Variants in EPHA5 observed in about 807,000 individuals in gnomAD.
EPHA5 encodes ephrin type-A receptor 5.
A neutral mutation model predicts 105.0 loss-of-function variants in EPHA5; 60 were observed. That is an observed-to-expected ratio of 0.57 (90% CI 0.46 to 0.71). The LOEUF (loss-of-function observed/expected upper bound fraction) is 0.71. Ranked by LOEUF, EPHA5 falls within the 30% of genes least tolerant of loss-of-function variation. The pLI is 0.00. For missense variants in EPHA5, 1,218 were observed against 1,274.7 expected (o/e 0.96, Z 0.68); for synonymous variants, 513 against 449.1 (o/e 1.14, Z -1.80).
chr4:65,433,792 G>C (rs1386459661), intron 5 of EPHA5, among the ~76,000 whole-genome samples: 1 of 152,092 alleles, frequency 6.6e-6, no homozygotes. Flanking sequence ...TTGGCTGGGC[G>C]CAGTGGCTCA....
intron 16 of EPHA5, among the ~76,000 whole-genome samples, chr4:65,327,930 A>C (rs1341118680): frequency 6.6e-6 from 1 of 151,184 alleles, no homozygotes; most frequent in African/African-American, 2.4e-5. Flanking sequence ...TAATTACATA[A>C]ATTTGATGAA....
At chr4:65,348,979 C>T (rs551462385) in intron 13 of EPHA5, among the ~76,000 whole-genome samples, 1 of 150,752 alleles carries the variant, frequency 6.6e-6, no homozygotes, top group Non-Finnish European at 1.5e-5. Context: ...TCATGCCTGG[C>T]TAATTTTTGT....
chr4:65,353,193 A>T (rs938031239), intron 11 of EPHA5, 90 bp from the exon 12 acceptor site: 26 of 328,272 alleles, frequency 7.9e-5, no homozygotes, highest in African/African-American at 5.8e-4. Context: ...TATTAGTGTC[A>T]AAATTGTATA....
chr4:65,327,170 A>G (rs1476388640), intron 16 of EPHA5, among the ~76,000 whole-genome samples: 1 of 151,258 alleles, frequency 6.6e-6, no homozygotes, highest in Non-Finnish European at 1.5e-5. Context: ...GAATTGTGAG[A>G]AATTTTATTT....
chr4:65,627,673 C>T (rs185811924), intron 2 of EPHA5, among the ~76,000 whole-genome samples: 191 of 152,142 alleles, frequency 1.3e-3, no homozygotes, highest in African/African-American at 4.5e-3. Context: ...CCATATTATG[C>T]CTTGTTACTC....
At chr4:65,338,304 A>G (rs968795502) in intron 14 of EPHA5, among the ~76,000 whole-genome samples, 4 of 152,148 alleles carry the variant, frequency 2.6e-5, no homozygotes. Flanking sequence ...CTTTAACAGC[A>G]TATAGGTATC....
At chr4:65,340,998 C>T (rs1252834692) in intron 14 of EPHA5, among the ~76,000 whole-genome samples, 2 of 152,130 alleles carry the variant, frequency 1.3e-5, no homozygotes, top group Non-Finnish European at 2.9e-5. Flanking sequence ...TTCCTTCCAT[C>T]TCTACTGTAC....
intron 14 of EPHA5, among the ~76,000 whole-genome samples, chr4:65,347,820 ACTGT>A (rs1722365634): frequency 6.6e-6 from 1 of 152,152 alleles, no homozygotes; most frequent in African/African-American, 2.4e-5. Flanking sequence ...TACAGCTAAA[ACTGT>A]CTGGCAAGGG....
At chr4:65,621,452 TAATAATTTTTATG>T (rs1428355915) in intron 2 of EPHA5, among the ~76,000 whole-genome samples, 16 of 152,292 alleles carry the variant, frequency 1.1e-4, no homozygotes, top group African/African-American at 3.8e-4. Context: ...AGTAAGTACA[TAATAATTTTTATG>T]AATTAATATT....
rs58539913 is a variant in EPHA5, at chr4:65,657,898, CAA to C, written c.181+11662_181+11663del. On this transcript the variant is annotated intron_variant, in intron 1 of 16. Coordinates refer to ENST00000613740, the MANE Select transcript of EPHA5 (RefSeq NM_001281766.3). The stretch of plus-strand genomic sequence containing the variant: ...TTCATATTGATACATTTGGTATATG[CAA>C]AAAAAAAAAAAAAAAAAAAAGATAT... Among the ~76,000 whole-genome samples the C allele has an allele frequency of 6.2e-3, 733 of 117,414 alleles. 5 individuals carry two copies. The highest frequency in any genetic ancestry group is 0.02 in the African/African-American group (612 of 30,962). The allele number at this position is 117,414 out of a possible 152,430, so 77.0% of individuals were successfully genotyped here. A position where few individuals can be genotyped will look rare whatever the true frequency, so the allele number is the denominator to read the frequency against.
chr4:65,387,389 G>C lies in EPHA5; in HGVS notation c.1793+16985C>G, dbSNP rs1720209270. 1.3e-5 allele frequency among the ~76,000 whole-genome samples: 2 copies of C among 151,972 alleles called. 1 individual carries two copies. Among genetic ancestry groups the C allele is most frequent in the South Asian group, 4.1e-4 (2 of 4,832 alleles). On this transcript the variant is annotated intron_variant, in intron 8 of 16. Transcript: ENST00000613740. ...ATTCAGATATTTGAGATATACAGAA[G>C]TTCCTTCTCATTTCAATTTATTGGA...
At chr4:65,392,849 A>G (rs1465779464) in intron 8 of EPHA5, among the ~76,000 whole-genome samples, 1 of 152,184 alleles carries the variant, frequency 6.6e-6, no homozygotes, top group Non-Finnish European at 1.5e-5. Flanking sequence ...TTAATTCAAT[A>G]ACTTATGAGT....
At chr4:65,473,069 C>T (rs1294572371) in intron 5 of EPHA5, among the ~76,000 whole-genome samples, 1 of 152,212 alleles carries the variant, frequency 6.6e-6, no homozygotes, top group Non-Finnish European at 1.5e-5. Flanking sequence ...TGCCACCAAT[C>T]TCTTTGCTAA....
At chr4:65,326,344 T>C (rs989388903) in intron 16 of EPHA5, among the ~76,000 whole-genome samples, 1 of 151,288 alleles carries the variant, frequency 6.6e-6, no homozygotes, top group Non-Finnish European at 1.5e-5. Flanking sequence ...TTCTAAGAGA[T>C]GATTTTAAGT....
intron 5 of EPHA5, among the ~76,000 whole-genome samples, chr4:65,438,766 GA>G (rs148530672): frequency 8.7e-5 from 13 of 149,594 alleles, no homozygotes; most frequent in South Asian, 4.2e-4. Context: ...GTTTTATTTG[GA>G]AAAAAAAATA....
chr4:65,443,905 CTGTGTGTGTGTG>C (rs57129731), intron 5 of EPHA5, among the ~76,000 whole-genome samples: 1 of 149,942 alleles, frequency 6.7e-6, no homozygotes, highest in Non-Finnish European at 1.5e-5. Flanking sequence ...GTTTGTGTGC[CTGTGTGTGTGTG>C]TGTGTGTGTG....
At chr4:65,473,349 A>C (rs80221493) in intron 5 of EPHA5, among the ~76,000 whole-genome samples, 2,627 of 152,238 alleles carry the variant, frequency 0.017, 75 homozygotes, top group African/African-American at 0.059. Context: ...TGAAGTACCA[A>C]TTTCCTTTAT....
At chr4:65,325,148 T>C (rs1190136939) in intron 16 of EPHA5, among the ~76,000 whole-genome samples, 1 of 151,416 alleles carries the variant, frequency 6.6e-6, no homozygotes, top group Non-Finnish European at 1.5e-5. Context: ...TCAAGGTAAT[T>C]ACCTTATTGA....
chr4:65,538,519 C>T (rs538438043), intron 3 of EPHA5, among the ~76,000 whole-genome samples: 3 of 151,764 alleles, frequency 2.0e-5, no homozygotes, highest in Admixed American at 1.3e-4. Context: ...AGAAGTCACC[C>T]CGTATGGGAA....
Sources: gnomAD v4.1 joint callset for allele counts (sites outside exome capture counted in the v4.1 genomes callset) on GRCh38, gnomAD v4.1.1 for gene constraint, MANE v1.5 for transcripts, NCBI Gene and HGNC (gene_info 2026-07-23, HGNC 2026-07-21) for gene names.